MATN3: variants seen among roughly 807,000 people sequenced by gnomAD.
The protein encoded by MATN3 is matrilin-3.
In MATN3, 48 loss-of-function variants were observed where a neutral mutation model predicts 45.3. The observed-to-expected ratio is 1.06, with a 90% confidence interval of 0.84 to 1.35. The LOEUF (loss-of-function observed/expected upper bound fraction) is 1.35, where lower values mean the gene tolerates loss of function less well. MATN3 is among the 40% of genes most tolerant of loss of function. MATN3 has a pLI of 0.00. For synonymous variants in MATN3, 217 were observed against 245.9 expected (o/e 0.88, Z 1.10); for missense variants, 599 against 628.0 (o/e 0.95, Z 0.49).
intron 6 of MATN3, among the ~76,000 whole-genome samples, chr2:19,996,923 A>G (rs1007147067): frequency 6.6e-6 from 1 of 152,354 alleles, no homozygotes; most frequent in Admixed American, 6.5e-5. Context: ...TATTAAGAAA[A>G]ATGTGAAAAA....
intron 5 of MATN3, among the ~76,000 whole-genome samples, chr2:19,998,649 C>T (rs1672925243): frequency 6.6e-6 from 1 of 151,902 alleles, no homozygotes; most frequent in Admixed American, 6.6e-5. Context: ...CCTAGCTACT[C>T]AGGAGGCTGA....
rs35973216 is a variant in MATN3 at position 19,993,170 on chromosome 2, G to A, written c.1406-4C>T. ...AACTTCTCCAAAATGTCATCAAGTG[G>A]CAAGTTGTTAAGGCCAACACCATTT... On this transcript the variant is annotated splice_region_variant and splice_polypyrimidine_tract_variant and intron_variant, in intron 7 of 7. Transcript: ENST00000407540. 0.25 allele frequency: 400,645 copies of A among 1,599,264 alleles called. 51,216 individuals carry two copies. Among genetic ancestry groups the A allele is most frequent in the Admixed American group, 0.28 (16,425 of 59,718 alleles).
intron 4 of MATN3, 71 bp downstream of exon 4, chr2:20,001,884 C>A (rs1050331759): frequency 6.8e-7 from 1 of 1,469,362 alleles, no homozygotes; most frequent in Non-Finnish European, 9.3e-7. Flanking sequence ...GTCAATGTGA[C>A]CTGCCCTTCC....
intron 5 of MATN3, among the ~76,000 whole-genome samples, chr2:20,000,067 T>C (rs1672955597): frequency 6.6e-6 from 1 of 152,250 alleles, no homozygotes. Context: ...GGCCAAGTTT[T>C]AACTGGAAAA....
intron 4 of MATN3, 101 bp from the exon 5 acceptor site, chr2:20,000,667 C>T: frequency 8.2e-7 from 1 of 1,213,234 alleles, no homozygotes. Context: ...ATGAGGAAAA[C>T]TTACTGGAAA....
intron 5 of MATN3, among the ~76,000 whole-genome samples, chr2:19,999,039 G>A (rs1306561959): frequency 6.6e-6 from 1 of 152,094 alleles, no homozygotes; most frequent in African/African-American, 2.4e-5. Context: ...ATCCTGCATG[G>A]CCTACAGTAG....
chr2:20,004,336 G>A (rs1262265844), intron 2 of MATN3: 2 of 152,240 alleles, frequency 1.3e-5, no homozygotes, highest in African/African-American at 4.8e-5. Flanking sequence ...CCCAACCCCA[G>A]GTGCTAGCTT....
At chr2:20,009,059 T>C (rs1299916562) in intron 1 of MATN3, among the ~76,000 whole-genome samples, 11 of 151,834 alleles carry the variant, frequency 7.2e-5, no homozygotes. Flanking sequence ...ACCTCATCTC[T>C]ATAAAAAGTT....
At chr2:20,000,413 A>G (rs187786088) in intron 5 of MATN3, 28 bp downstream of exon 5, 47 of 1,583,434 alleles carry the variant, frequency 3.0e-5, no homozygotes, top group South Asian at 1.3e-4. Context: ...AGACCCAAGT[A>G]TGAAAGAATT....
intron 2 of MATN3, among the ~76,000 whole-genome samples, chr2:20,004,462 C>T (rs1481693781): frequency 6.6e-6 from 1 of 152,126 alleles, no homozygotes; most frequent in Non-Finnish European, 1.5e-5. Flanking sequence ...TGGAAGCCAA[C>T]GAATGCCAAG....
Position 20,006,286 on chromosome 2 carries a change from T to A in MATN3, c.248A>T (p.Asp83Val). The change falls in exon 2 of 8, where the codon GAC (aspartate) becomes GTC (valine). Residue 83 changes from aspartate to valine, a missense_variant. Transcript: ENST00000407540. ...GAGVCKSRPL[D>V]LVFIIDSSRS... ...AGAACTATCAATGATAAACACCAGG[T>A]CCAAGGGTCTGCTCTTGCAAACACC... The A allele has an allele frequency of 6.3e-7, 1 of 1,580,500 alleles. No homozygotes were observed. The highest frequency in any genetic ancestry group is 8.6e-7 in the Non-Finnish European group (1 of 1,164,768).
At chr2:20,011,835 G>A (rs1276022455) in intron 1 of MATN3, among the ~76,000 whole-genome samples, 1 of 152,188 alleles carries the variant, frequency 6.6e-6, no homozygotes, top group Non-Finnish European at 1.5e-5. Context: ...GCTTTGCTCT[G>A]CTTCAGGAAT....
intron 5 of MATN3, among the ~76,000 whole-genome samples, chr2:19,998,424 G>A (rs1320580001): frequency 1.3e-5 from 2 of 152,102 alleles, no homozygotes; most frequent in Admixed American, 6.5e-5. Flanking sequence ...TCCATGGTAT[G>A]TTCCCCAGCT....
rs375487489 is a variant in MATN3 at position 20,005,909 on chromosome 2, G to C, written c.625C>G (p.Arg209Gly). Residue 209 changes from arginine (R) to glycine (G), a missense_variant, in exon 2 of 8, where the codon CGG becomes GGG. Physicochemically the swap from Arg to Gly is moderately radical, Grantham distance 125. Transcript: ENST00000407540. Reference sequence around the variant, plus strand: ...AGCTCAATACCAGATGCTTGGGCCCGAGCCGCCACCTCATTCACCTGGTCC... The same window carrying C: ...AGCTCAATACCAGATGCTTGGGCCCCAGCCGCCACCTCATTCACCTGGTCC... ...PQDQVNEVAA[R>G]AQASGIELYA... 6.8e-6 allele frequency: 11 copies of C among 1,611,944 alleles called. No individual in the cohort carries two copies. The highest frequency in any genetic ancestry group is 9.3e-6 in the Non-Finnish European group (11 of 1,179,062).
rs751612128 is a variant in MATN3, at chr2:20,005,956, A to G, written c.578T>C (p.Ile193Thr). The part of the protein sequence containing the change: ...PSSNIPKVAI[I>T]VTDGRPQDQV... ...GTCCTGGGGCCTCCCATCTGTAACA[A>G]TGATGGCCACCTTAGGGATGTTAGA... The change falls in exon 2 of 8, where the codon ATT (isoleucine) becomes ACT (threonine). Residue 193 changes from isoleucine (I) to threonine (T), a missense_variant. Ile to Thr is a moderately conservative substitution (Grantham distance 89). Transcript: ENST00000407540. The G allele has an allele frequency of 1.2e-5, 19 of 1,613,812 alleles. No homozygotes were observed. The South Asian group carries it at 1.9e-4, about 16-fold the overall frequency.
At chr2:20,001,811 G>T in intron 4 of MATN3, 144 bp downstream of exon 4, 1 of 699,882 alleles carries the variant, frequency 1.4e-6, no homozygotes, top group Non-Finnish European at 2.4e-6. Flanking sequence ...CTAACATTTT[G>T]GATAAGACTT....
At chr2:20,001,811 G>C (rs546254508) in intron 4 of MATN3, 144 bp downstream of exon 4, 2 of 699,886 alleles carry the variant, frequency 2.9e-6, no homozygotes, top group South Asian at 4.1e-5. Context: ...CTAACATTTT[G>C]GATAAGACTT....
chr2:20,009,885 C>T (rs1257414712), intron 1 of MATN3, among the ~76,000 whole-genome samples: 1 of 151,766 alleles, frequency 6.6e-6, no homozygotes, highest in African/African-American at 2.4e-5. Context: ...AGTTGTCCCA[C>T]CTTTTAGGAC....
At position 20,002,189 on chromosome 2, in the gene MATN3, C is replaced by CAT; in HGVS notation, c.917-110_917-109insAT. ...ACACACACACACACACACACACACA[C>CAT]ACAGAGCTAATGAAACAAGGGAGGG... is the stretch of plus-strand genomic sequence containing the variant. On this transcript the variant is annotated intron_variant, in intron 3 of 7. Coordinates refer to ENST00000407540, the MANE Select transcript of MATN3 (RefSeq NM_002381.5). 48 of 863,138 alleles carry CAT rather than the reference C, an allele frequency of 5.6e-5. No homozygotes were observed. In the East Asian group the frequency reaches 1.3e-3, roughly 24 times the overall value. 53.5% of individuals were successfully genotyped at this position (863,138 alleles called of 1,614,324 possible). A position where few individuals can be genotyped will look rare whatever the true frequency, so the allele number is the denominator to read the frequency against.
Sources: gnomAD v4.1 joint callset for allele counts (sites outside exome capture counted in the v4.1 genomes callset) on GRCh38, gnomAD v4.1.1 for gene constraint, MANE v1.5 for transcripts, NCBI Gene and HGNC (gene_info 2026-07-23, HGNC 2026-07-21) for gene names.